ATG10: variants seen among roughly 807,000 people sequenced by gnomAD.
ATG10 encodes ubiquitin-like-conjugating enzyme ATG10.
ATG10 carries 30 observed loss-of-function variants against 32.1 expected under a neutral mutation model. That is an observed-to-expected ratio of 0.94 (90% confidence interval 0.70 to 1.27). The LOEUF is 1.27. Ranked by LOEUF, ATG10 falls within the 50% of genes most tolerant of loss-of-function variation. The pLI, the probability that ATG10 is intolerant of heterozygous loss-of-function variation, is 0.00. For missense variants in ATG10, 233 were observed against 262.3 expected, an observed-to-expected ratio of 0.89 and a Z score of 0.77; for synonymous variants, 87 against 91.5, an observed-to-expected ratio of 0.95 and a Z score of 0.28.
At chr5:82,145,191 T>G (rs1012159249) in intron 3 of ATG10, among the ~76,000 whole-genome samples, 1 of 152,120 alleles carries the variant, frequency 6.6e-6, no homozygotes, top group Non-Finnish European at 1.5e-5. Context: ...TTTTTAAAAA[T>G]TCATTCTGAT....
chr5:81,989,442 G>A (rs77750608), intron 2 of ATG10, among the ~76,000 whole-genome samples: 24,111 of 151,976 alleles, frequency 0.16, 2,307 homozygotes, highest in South Asian at 0.3. Context: ...AGGGAGGGTC[G>A]ATGTGTTGTG....
chr5:82,188,493 T>C (rs1392687364), intron 5 of ATG10, among the ~76,000 whole-genome samples: 1 of 152,246 alleles, frequency 6.6e-6, no homozygotes, highest in Non-Finnish European at 1.5e-5. Flanking sequence ...TTATTCATCT[T>C]AGCACGTTTC....
At chr5:82,100,320 T>G (rs1765226203) in intron 3 of ATG10, among the ~76,000 whole-genome samples, 1 of 152,090 alleles carries the variant, frequency 6.6e-6, no homozygotes, top group Non-Finnish European at 1.5e-5. Flanking sequence ...TGATTTCTTT[T>G]TTCTAAGTAT....
At chr5:82,101,139 A>T (rs895085351) in intron 3 of ATG10, among the ~76,000 whole-genome samples, 7 of 152,174 alleles carry the variant, frequency 4.6e-5, no homozygotes. Flanking sequence ...TTCCTAATTA[A>T]GTTGTGGATA....
chr5:82,125,083 G>C (rs954103135), intron 3 of ATG10, among the ~76,000 whole-genome samples: 3 of 152,188 alleles, frequency 2.0e-5, no homozygotes, highest in Non-Finnish European at 2.9e-5. Flanking sequence ...CTGCATAAAT[G>C]TGTTCTTTTG....
At chr5:82,095,886 A>G (rs1765040864) in intron 3 of ATG10, among the ~76,000 whole-genome samples, 1 of 152,198 alleles carries the variant, frequency 6.6e-6, no homozygotes, top group Admixed American at 6.5e-5. Context: ...AGTTGTTATT[A>G]GTAGGAAAAT....
chr5:82,216,625 G>A (rs1217837021), intron 5 of ATG10, among the ~76,000 whole-genome samples: 1 of 152,184 alleles, frequency 6.6e-6, no homozygotes, highest in Non-Finnish European at 1.5e-5. Context: ...TTCAGCAAAA[G>A]CCACTTCTAG....
intron 2 of ATG10, among the ~76,000 whole-genome samples, chr5:82,033,234 A>G (rs1328638308): frequency 1.3e-5 from 2 of 152,148 alleles, no homozygotes; most frequent in Non-Finnish European, 2.9e-5. Context: ...ATGTACATAT[A>G]TATTTCTAGG....
Position 82,252,582 on chromosome 5 carries a change from A to G in ATG10, c.474A>G (p.Gln158=), listed in dbSNP as rs149811349. The change falls in exon 6 of 8, where the codon CAA becomes CAG. Residue 158 remains glutamine (Q), a synonymous_variant. Transcript: ENST00000282185. ...TACAGGAACATCCAATACTTGGGCAACCCTTTTTTGTACTTCATCCCTGCA... is the reference window on the plus strand; with the variant it reads ...TACAGGAACATCCAATACTTGGGCAGCCCTTTTTTGTACTTCATCCCTGCA... ...ITQQEHPILG[Q]PFFVLHPCKT... is the part of the protein sequence containing the mutation. 3.5e-4 allele frequency: 558 copies of G among 1,608,862 alleles called. No homozygotes were observed. Among genetic ancestry groups the G allele is most frequent in the Non-Finnish European group, 4.5e-4 (526 of 1,176,848 alleles).
At chr5:82,206,063 T>C (rs1581801930) in intron 5 of ATG10, among the ~76,000 whole-genome samples, 2 of 152,188 alleles carry the variant, frequency 1.3e-5, no homozygotes, top group Non-Finnish European at 2.9e-5. Flanking sequence ...GGATATTTGG[T>C]CTGAGAGTTG....
chr5:82,074,634 C>G (rs1292342500), intron 3 of ATG10, among the ~76,000 whole-genome samples: 1 of 152,160 alleles, frequency 6.6e-6, no homozygotes, highest in East Asian at 1.9e-4. Context: ...GAGGCAATGA[C>G]AGCTACAAAG....
At chr5:82,047,407 A>G (rs959555307) in intron 2 of ATG10, among the ~76,000 whole-genome samples, 1 of 152,238 alleles carries the variant, frequency 6.6e-6, no homozygotes, top group Admixed American at 6.5e-5. Context: ...TGTTAAAAGT[A>G]ATTAATAAGG....
At chr5:82,044,022 G>C (rs1561270395) in intron 2 of ATG10, among the ~76,000 whole-genome samples, 1 of 151,770 alleles carries the variant, frequency 6.6e-6, no homozygotes, top group East Asian at 1.9e-4. Context: ...CACTCTCCTG[G>C]TACCAATTTT....
rs1763672596 is a variant in ATG10, at chr5:82,058,540, A to G, written c.154A>G (p.Asn52Asp). The change falls in exon 3 of 8, where the codon AAT becomes GAT. Residue 52 changes from asparagine (N) to aspartate (D), a missense_variant. By Grantham distance (23) the Asn-to-Asp change is conservative. Transcript: ENST00000282185. ...YMCKIHFQIK[N>D]GSVMSHLGAS... ...GTGCAAAATACACTTTCAAATTAAG[A>G]ATGGGTCTGTGATGTCACATCTAGG... 6.2e-7 allele frequency: 1 copy of G among 1,613,222 alleles called. No individual in the cohort carries two copies. Among genetic ancestry groups the G allele is most frequent in the African/African-American group, 1.3e-5 (1 of 74,862 alleles).
At chr5:82,147,008 G>A (rs944415682) in intron 3 of ATG10, among the ~76,000 whole-genome samples, 1 of 152,060 alleles carries the variant, frequency 6.6e-6, no homozygotes, top group African/African-American at 2.4e-5. Flanking sequence ...GGATATTGTG[G>A]CTGTTATGTT....
At chr5:82,155,100 T>C (rs1767753858) in intron 3 of ATG10, among the ~76,000 whole-genome samples, 1 of 152,244 alleles carries the variant, frequency 6.6e-6, no homozygotes, top group African/African-American at 2.4e-5. Context: ...AGTTTATTCA[T>C]GTGCTGAAGG....
chr5:82,104,130 T>C (rs1298783487), intron 3 of ATG10, among the ~76,000 whole-genome samples: 2 of 152,146 alleles, frequency 1.3e-5, no homozygotes, highest in Non-Finnish European at 2.9e-5. Context: ...TTGGCTATTA[T>C]GAAAAGTACT....
chr5:82,242,745 A>C (rs1486383218), intron 5 of ATG10: 5 of 364,390 alleles, frequency 1.4e-5, no homozygotes, highest in Non-Finnish European at 2.1e-5. Context: ...TATTTTTCAA[A>C]AATGAGGGCA....
intron 3 of ATG10, among the ~76,000 whole-genome samples, chr5:82,120,537 G>A (rs1273176219): frequency 1.3e-5 from 2 of 152,170 alleles, no homozygotes; most frequent in Non-Finnish European, 2.9e-5. Flanking sequence ...CCTGAAGTAG[G>A]ATGGAAGTGA....
Sources: allele counts gnomAD v4.1 joint callset (sites outside exome capture counted in the v4.1 genomes callset), GRCh38; gene constraint gnomAD v4.1.1; transcripts MANE v1.5; gene names NCBI Gene and HGNC (gene_info 2026-07-23, HGNC 2026-07-21).